The following WDR17 variants were observed in gnomAD, a reference collection of about 807,000 sequenced individuals.
The protein encoded by WDR17 is WD repeat domain 17, also known as WD repeat-containing protein 17.
Under a neutral mutation model 161.7 loss-of-function variants are expected in WDR17, and 143 were observed. The observed-to-expected ratio is 0.88, with a 90% CI of 0.77 to 1.02. The LOEUF (loss-of-function observed/expected upper bound fraction) is 1.02, where lower values mean the gene tolerates loss of function less well. Ranked by LOEUF, WDR17 falls within the 50% of genes least tolerant of loss-of-function variation. The pLI is 0.00. For synonymous variants in WDR17, 517 were observed against 515.6 expected (o/e 1.00, Z -0.04); for missense variants, 1,469 against 1,520.9 (o/e 0.97, Z 0.57).
At chr4:176,085,990 A>G (rs1354258498) in intron 1 of WDR17, among the ~76,000 whole-genome samples, 1 of 151,894 alleles carries the variant, frequency 6.6e-6, no homozygotes, top group African/African-American at 2.4e-5. Flanking sequence ...ACAAATTTCT[A>G]TGTTTAGACT....
chr4:176,082,437 G>A (rs962580963), intron 1 of WDR17, among the ~76,000 whole-genome samples: 1 of 151,932 alleles, frequency 6.6e-6, no homozygotes, highest in Admixed American at 6.6e-5. Context: ...TTTGAAAATA[G>A]GCAACCTAAA....
At chr4:176,093,777 T>G (rs1736438345) in intron 1 of WDR17, among the ~76,000 whole-genome samples, 1 of 152,156 alleles carries the variant, frequency 6.6e-6, no homozygotes, top group South Asian at 2.1e-4. Flanking sequence ...TTAAAACCCA[T>G]TTACCATTCT....
intron 1 of WDR17, among the ~76,000 whole-genome samples, chr4:176,106,614 A>G (rs184257355): frequency 2.0e-5 from 3 of 152,330 alleles, no homozygotes; most frequent in Non-Finnish European, 2.9e-5. Context: ...AAAAGCAAAA[A>G]ACATGCAAAT....
intron 7 of WDR17, among the ~76,000 whole-genome samples, chr4:176,132,105 C>T (rs992634746): frequency 1.3e-5 from 2 of 151,878 alleles, no homozygotes; most frequent in Non-Finnish European, 2.9e-5. Flanking sequence ...AATTGAGTAA[C>T]GTTGGATTAT....
intron 6 of WDR17, among the ~76,000 whole-genome samples, chr4:176,129,559 C>A (rs1743026593): frequency 6.6e-6 from 1 of 151,960 alleles, no homozygotes; most frequent in Non-Finnish European, 1.5e-5. Context: ...GGTAGTGTTC[C>A]CATTCTGTAT....
chr4:176,108,766 T>C (rs1739228915), intron 1 of WDR17, among the ~76,000 whole-genome samples: 2 of 152,180 alleles, frequency 1.3e-5, no homozygotes, highest in Non-Finnish European at 2.9e-5. Context: ...TAAAAAACAT[T>C]ACCAGAAAGT....
At position 176,146,003 on chromosome 4, in the gene WDR17, T is replaced by C. The variant is rs751915775; in HGVS notation, c.1538T>C (p.Ile513Thr). 1.2e-6 allele frequency: 2 copies of C among 1,613,264 alleles called. No homozygotes were observed. Among genetic ancestry groups the C allele is most frequent in the South Asian group, 2.2e-5 (2 of 90,914 alleles). ...CATTGATGATATTTCAGAGACATGA[T>C]AGCCACTGGCTGTGAAGACACAAAT... ...CDWSQNNKDM[I>T]ATGCEDTNVR... is the part of the protein sequence containing the mutation. Residue 513 changes from isoleucine to threonine, a missense_variant, in exon 12 of 29, where the codon ATA becomes ACA. Ile to Thr is a moderately conservative substitution (Grantham distance 89, BLOSUM62 -1). Coordinates refer to ENST00000508596, the MANE Select transcript of WDR17 (RefSeq NM_181265.4).
chr4:176,098,117 T>A (rs1019829149), intron 1 of WDR17: 13 of 153,762 alleles, frequency 8.5e-5, no homozygotes, highest in African/African-American at 3.1e-4. Context: ...GAAAAAAAAT[T>A]GGCACATGAA....
rs1304500619 is a variant in WDR17 at position 176,119,908 on chromosome 4, G to A, written c.349G>A (p.Val117Met). Residue 117 changes from valine (V) to methionine (M), a missense_variant, in exon 4 of 29, where the codon GTG becomes ATG. Transcript: ENST00000508596. ...SLSWCWNAEDVVAFVSHRGPL... is the reference protein window; with the variant it reads ...SLSWCWNAEDMVAFVSHRGPL... ...TAGTTGGTGCTGGAATGCAGAGGAT[G>A]TGGTGGCATTTGTTTCCCACAGAGG... is the stretch of plus-strand genomic sequence containing the variant. 3.1e-6 allele frequency: 5 copies of A among 1,614,038 alleles called. No homozygotes were observed. The highest frequency in any genetic ancestry group is 1.7e-5 in the Admixed American group (1 of 60,002).
chr4:176,159,423 C>T (rs1748696716), intron 18 of WDR17, among the ~76,000 whole-genome samples: 1 of 151,904 alleles, frequency 6.6e-6, no homozygotes, highest in Non-Finnish European at 1.5e-5. Flanking sequence ...TCTAAGATTA[C>T]CATCCCCTTT....
chr4:176,125,950 T>C (rs1742385013), intron 5 of WDR17, among the ~76,000 whole-genome samples: 1 of 152,222 alleles, frequency 6.6e-6, no homozygotes, highest in Non-Finnish European at 1.5e-5. Context: ...TTTGTGCTGC[T>C]GAAAGCAGGA....
At chr4:176,069,083 T>C (rs951136831) in intron 1 of WDR17, among the ~76,000 whole-genome samples, 1 of 152,028 alleles carries the variant, frequency 6.6e-6, no homozygotes, top group Non-Finnish European at 1.5e-5. Context: ...GAAGGCAGAG[T>C]TCAGGTTGTT....
intron 4 of WDR17, 104 bp from the exon 5 acceptor site, chr4:176,125,000 A>G (rs746429654): frequency 6.1e-5 from 80 of 1,304,360 alleles, no homozygotes; most frequent in Admixed American, 9.5e-5. Context: ...TGTATTTTCA[A>G]TACCCTCAGA....
chr4:176,157,840 A>C (rs1748401207), intron 18 of WDR17, among the ~76,000 whole-genome samples: 1 of 152,202 alleles, frequency 6.6e-6, no homozygotes, highest in African/African-American at 2.4e-5. Context: ...AAATTGGAAC[A>C]AAGGAAACCT....
At chr4:176,086,333 T>C (rs1485548709) in intron 1 of WDR17, among the ~76,000 whole-genome samples, 3 of 151,968 alleles carry the variant, frequency 2.0e-5, no homozygotes, top group Non-Finnish European at 2.9e-5. Flanking sequence ...TCAGATCCTA[T>C]GGGGTTTTAT....
intron 1 of WDR17, among the ~76,000 whole-genome samples, chr4:176,099,205 T>C (rs1307101325): frequency 6.6e-6 from 1 of 152,120 alleles, no homozygotes; most frequent in African/African-American, 2.4e-5. Context: ...TCTTCCTAGA[T>C]CCACCTGAGA....
intron 17 of WDR17, among the ~76,000 whole-genome samples, chr4:176,155,778 G>A (rs984005309): frequency 2.0e-5 from 3 of 147,788 alleles, no homozygotes; most frequent in Admixed American, 2.0e-4. Context: ...GCCCAGGCTA[G>A]TCTCAAACTC....
chr4:176,137,983 C>G (rs1432020809), intron 9 of WDR17, among the ~76,000 whole-genome samples: 2 of 151,346 alleles, frequency 1.3e-5, no homozygotes, highest in Non-Finnish European at 3.0e-5. Context: ...GTTTCTTCAC[C>G]TAAAAAATGT....
rs1445392615 is a variant in WDR17 at position 176,182,711 on chromosome 4, TATATC to T, written c.*3135_*3139del. ...AATATGTACTTTCATGCTAAAATTA[TATATC>T]ATGACTGTGCTATAATTTGGCATGT... On this transcript the variant is annotated 3_prime_UTR_variant, in exon 29 of 29. Transcript: ENST00000508596. The surrounding 1 kb of genome is among the most constrained non-coding windows in gnomAD (Gnocchi z 4.2). The T allele has an allele frequency of 1.3e-5, 2 of 152,182 alleles. No individual in the cohort carries two copies. The highest frequency in any genetic ancestry group is 4.8e-5 in the African/African-American group (2 of 41,456). 9.4% of individuals were successfully genotyped at this position (152,182 alleles called of 1,614,324 possible).
Sources: gnomAD v4.1 joint callset for allele counts (sites outside exome capture counted in the v4.1 genomes callset) on GRCh38, gnomAD v4.1.1 for gene constraint, Gnocchi (gnomAD v3.1) non-coding constraint, MANE v1.5 for transcripts, NCBI Gene and HGNC (gene_info 2026-07-23, HGNC 2026-07-21) for gene names.